IL1RAPL2: variants seen among roughly 807,000 people sequenced by gnomAD.
The protein encoded by IL1RAPL2 is X-linked interleukin-1 receptor accessory protein-like 2.
Under a neutral mutation model 44.1 loss-of-function variants are expected in IL1RAPL2, and 3 were observed. The ratio of observed to expected loss-of-function variants is 0.07; its 90% CI spans 0.03 to 0.18. IL1RAPL2 has a LOEUF of 0.18. IL1RAPL2 is among the 10% of genes least tolerant of loss of function. The pLI is 1.00. For synonymous variants in IL1RAPL2, 181 were observed against 178.8 expected (o/e 1.01, Z -0.10); for missense variants, 391 against 496.4 (o/e 0.79, Z 2.02).
At chrX:105,122,548 T>C (rs2032935423) in intron 2 of IL1RAPL2, among the ~76,000 whole-genome samples, 1 of 111,509 alleles carries the variant, frequency 9.0e-6, no homozygotes, top group Non-Finnish European at 1.9e-5. Flanking sequence ...CAGATGCCCA[T>C]TGCTCTCTGG....
At chrX:104,910,062 A>T (rs979430501) in intron 2 of IL1RAPL2, among the ~76,000 whole-genome samples, 2 of 112,159 alleles carry the variant, frequency 1.8e-5, no homozygotes, top group African/African-American at 6.5e-5. Flanking sequence ...ATGCTGCACC[A>T]TTTTTTAAGC....
At chrX:105,363,417 T>C (rs993865624) in intron 5 of IL1RAPL2, among the ~76,000 whole-genome samples, 1 of 103,372 alleles carries the variant, frequency 9.7e-6, no homozygotes, top group Non-Finnish European at 2.0e-5. Context: ...GGAATGCAGA[T>C]ATCGCTTTGA....
At chrX:104,905,753 G>A (rs1441319371) in intron 2 of IL1RAPL2, among the ~76,000 whole-genome samples, 1 of 111,257 alleles carries the variant, frequency 9.0e-6, no homozygotes, top group African/African-American at 3.3e-5. Flanking sequence ...CTCCAGCTTT[G>A]TTCTTTTGGC....
intron 5 of IL1RAPL2, among the ~76,000 whole-genome samples, chrX:105,284,966 T>C (rs1228963019): frequency 1.8e-5 from 2 of 111,844 alleles, no homozygotes; most frequent in Non-Finnish European, 3.8e-5. Flanking sequence ...TTTGGGTATA[T>C]GTGCCACAAA....
intron 5 of IL1RAPL2, among the ~76,000 whole-genome samples, chrX:105,447,841 A>C (rs1194706714): frequency 1.6e-4 from 15 of 91,540 alleles, no homozygotes; most frequent in Non-Finnish European, 2.6e-4. Flanking sequence ...TATATTATAC[A>C]TATAAATATA....
At chrX:105,388,245 T>G (rs1281808016) in intron 5 of IL1RAPL2, among the ~76,000 whole-genome samples, 1 of 100,781 alleles carries the variant, frequency 9.9e-6, no homozygotes, top group East Asian at 3.1e-4. Flanking sequence ...ACTCTGACTA[T>G]GTCGGCAGCC....
At position 105,699,648 on chromosome X, in the gene IL1RAPL2, C is replaced by A. The variant is rs146186278; in HGVS notation, c.773-17719C>A. On this transcript the variant is annotated intron_variant, in intron 6 of 10. Transcript: ENST00000372582. The stretch of plus-strand genomic sequence containing the variant: ...CTGTGGGATGGGATTTGTAATCCAT[C>A]ATCTTCTAGGCTTGGACACATCTCT... Among the ~76,000 whole-genome samples the A allele has an allele frequency of 9.9e-5, 11 of 111,635 alleles. No individual in the cohort carries two copies. In the East Asian group the frequency reaches 3.1e-3, roughly 32 times the overall value.
At chrX:105,169,460 T>G (rs2147599188) in intron 2 of IL1RAPL2, among the ~76,000 whole-genome samples, 1 of 105,486 alleles carries the variant, frequency 9.5e-6, no homozygotes. Context: ...AGTAAAGCAC[T>G]TTTGGTTGAG....
At chrX:105,503,723 C>T (rs1431787598) in intron 6 of IL1RAPL2, among the ~76,000 whole-genome samples, 2 of 111,472 alleles carry the variant, frequency 1.8e-5, no homozygotes, top group African/African-American at 6.5e-5. Flanking sequence ...ATCAATTTGT[C>T]AGCAGTACTG....
intron 1 of IL1RAPL2, among the ~76,000 whole-genome samples, chrX:104,629,272 T>A (rs1406020502): frequency 8.9e-6 from 1 of 111,992 alleles, no homozygotes; most frequent in Admixed American, 9.5e-5. Context: ...ATTTCCATGA[T>A]GATTAATGGT....
At chrX:104,683,798 T>C (rs1229526302) in intron 2 of IL1RAPL2, among the ~76,000 whole-genome samples, 1 of 112,196 alleles carries the variant, frequency 8.9e-6, no homozygotes, top group Non-Finnish European at 1.9e-5. Flanking sequence ...GTGAAAATTA[T>C]GAGCCCAGGA....
chrX:105,661,619 G>C lies in IL1RAPL2; in HGVS notation c.773-55748G>C, dbSNP rs865883310. On this transcript the variant is annotated intron_variant, in intron 6 of 10. Coordinates refer to ENST00000372582, the MANE Select transcript of IL1RAPL2 (RefSeq NM_017416.2). Reference sequence around the variant, plus strand: ...ATAAAACTAGAAATCAATAACAAGAGGAATTTGGGGAACTATAAAAATACA... The same window carrying C: ...ATAAAACTAGAAATCAATAACAAGACGAATTTGGGGAACTATAAAAATACA... 2.7e-5 allele frequency among the ~76,000 whole-genome samples: 3 copies of C among 111,960 alleles called. No individual in the cohort carries two copies. In the South Asian group the frequency reaches 1.1e-3, roughly 41 times the overall value.
intron 2 of IL1RAPL2, among the ~76,000 whole-genome samples, chrX:104,907,980 G>A (rs1286224910): frequency 1.1e-3 from 125 of 110,029 alleles, no homozygotes; most frequent in Middle Eastern, 4.2e-3. Context: ...TATGAATTTG[G>A]GTGCTCCTGT....
At chrX:105,410,198 C>T (rs1455922857) in intron 5 of IL1RAPL2, among the ~76,000 whole-genome samples, 2 of 110,200 alleles carry the variant, frequency 1.8e-5, no homozygotes, top group Admixed American at 9.7e-5. Context: ...ATAGAGAAGC[C>T]TGAGTTTCTG....
intron 2 of IL1RAPL2, among the ~76,000 whole-genome samples, chrX:105,024,671 A>T (rs2031336637): frequency 9.0e-6 from 1 of 111,609 alleles, no homozygotes; most frequent in Non-Finnish European, 1.9e-5. Flanking sequence ...AAAAGAGAAA[A>T]GAGGAATTGT....
At chrX:105,260,040 T>G (rs2034344910) in intron 4 of IL1RAPL2, among the ~76,000 whole-genome samples, 1 of 112,310 alleles carries the variant, frequency 8.9e-6, no homozygotes, top group Non-Finnish European at 1.9e-5. Flanking sequence ...CCGGGAGATA[T>G]GGACCTGTTG....
intron 5 of IL1RAPL2, among the ~76,000 whole-genome samples, chrX:105,329,294 C>T (rs1325275669): frequency 9.0e-6 from 1 of 111,355 alleles, no homozygotes; most frequent in Non-Finnish European, 1.9e-5. Flanking sequence ...TGGGAGAAAT[C>T]TTAGAGATTA....
intron 2 of IL1RAPL2, among the ~76,000 whole-genome samples, chrX:104,966,277 TAA>T (rs1204789046): frequency 2.7e-5 from 3 of 111,637 alleles, no homozygotes; most frequent in Non-Finnish European, 5.7e-5. Flanking sequence ...ATAAATGGAC[TAA>T]TGTGACAAAT....
At chrX:105,033,172 T>C (rs1407377435) in intron 2 of IL1RAPL2, among the ~76,000 whole-genome samples, 1 of 111,879 alleles carries the variant, frequency 8.9e-6, no homozygotes, top group Admixed American at 9.5e-5. Flanking sequence ...CTTGACTCTT[T>C]ATCCAATTTG....
Sources: gnomAD v4.1 joint callset for allele counts (sites outside exome capture counted in the v4.1 genomes callset) on GRCh38, gnomAD v4.1.1 for gene constraint, MANE v1.5 for transcripts, NCBI Gene and HGNC (gene_info 2026-07-23, HGNC 2026-07-21) for gene names.